The following LRBA variants were observed in gnomAD, a reference collection of about 807,000 sequenced individuals.
LRBA encodes LPS responsive beige-like anchor protein.
In LRBA, 176 loss-of-function variants were observed where a neutral mutation model predicts 330.0. The observed-to-expected ratio is 0.53, with a 90% CI of 0.47 to 0.60. The LOEUF is 0.60. LRBA is among the 20% of genes least tolerant of loss of function. The probability of loss-of-function intolerance (pLI) is 0.00; values close to 1 mark genes in which losing one functional copy is unlikely to be tolerated. For missense variants in LRBA, 3,259 were observed against 3,444.8 expected (o/e 0.95, Z 1.35); for synonymous variants, 1,230 against 1,193.0 (o/e 1.03, Z -0.64).
At chr4:150,455,954 A>G (rs181530522) in intron 44 of LRBA, among the ~76,000 whole-genome samples, 1 of 152,258 alleles carries the variant, frequency 6.6e-6, no homozygotes. Context: ...TATTTCACTT[A>G]GCATAATGAC....
chr4:150,837,733 G>T (rs956717797), intron 28 of LRBA, among the ~76,000 whole-genome samples: 2 of 152,180 alleles, frequency 1.3e-5, no homozygotes. Flanking sequence ...GATGGGTCTT[G>T]ACTCTTTACC....
chr4:150,297,581 A>G (rs1292433164), intron 53 of LRBA, among the ~76,000 whole-genome samples: 2 of 152,234 alleles, frequency 1.3e-5, no homozygotes, highest in Non-Finnish European at 2.9e-5. Flanking sequence ...TGAGACACAC[A>G]CAAGAACTCT....
At chr4:150,735,965 C>A (rs1375139048) in intron 35 of LRBA, among the ~76,000 whole-genome samples, 2 of 152,080 alleles carry the variant, frequency 1.3e-5, no homozygotes, top group Non-Finnish European at 2.9e-5. Context: ...TTTAGGTTAA[C>A]TGGCAGCCAA....
In LRBA at chr4:150,467,785, CCTG is replaced by C; in HGVS notation, c.6668-3_6668-1del. On this transcript the variant is annotated splice_acceptor_variant and splice_polypyrimidine_tract_variant and intron_variant, in intron 43 of 56. Coordinates refer to ENST00000651943, the MANE Select transcript of LRBA (RefSeq NM_001364905.1). LOFTEE classifies it high-confidence loss of function. ...CTGATTTAAGTCATTATAACTCCGT[CCTG>C]ATAGGGAAAAAAGTTACTCGTAATT... The C allele has an allele frequency of 7.1e-7, 1 of 1,398,732 alleles. No homozygotes were observed. The highest frequency in any genetic ancestry group is 1.9e-5 in the Admixed American group (1 of 52,164). The allele number at this position is 1,398,732 out of a possible 1,614,324, so 86.6% of individuals were successfully genotyped here. A position where few individuals can be genotyped will look rare whatever the true frequency, so the allele number is the denominator to read the frequency against.
chr4:150,324,907 A>AT (rs1394090599), intron 49 of LRBA, among the ~76,000 whole-genome samples: 4 of 151,534 alleles, frequency 2.6e-5, no homozygotes, highest in African/African-American at 7.3e-5. Context: ...TACTCTGCCA[A>AT]TTTTTTTTTC....
intron 35 of LRBA, among the ~76,000 whole-genome samples, chr4:150,758,687 C>T (rs1009493014): frequency 1.1e-4 from 16 of 151,330 alleles, no homozygotes; most frequent in African/African-American, 3.4e-4. Context: ...GATCCTCCTG[C>T]CTCACCCTCC....
rs777246569 is a variant in LRBA, at chr4:150,471,645, T to C, written c.6646A>G (p.Met2216Val). 6.2e-6 allele frequency: 10 copies of C among 1,600,092 alleles called. No homozygotes were observed. The highest frequency in any genetic ancestry group is 5.3e-5 in the Admixed American group (3 of 57,096). ...TTACCTGCTATCGTGTTGAGAAACATCAAGTACTCAAAATTAGATATCTCT... is the reference window on the plus strand; with the variant it reads ...TTACCTGCTATCGTGTTGAGAAACACCAAGTACTCAAAATTAGATATCTCT... ...HREISNFEYL[M>V]FLNTIAGRSY... The change falls in exon 43 of 57, where the codon ATG becomes GTG. Residue 2216 changes from methionine to valine, a missense_variant. Transcript: ENST00000651943.
At position 150,398,621 on chromosome 4, in the gene LRBA, TTTTC is replaced by T. The variant is rs1485883286; in HGVS notation, c.7194+16813_7194+16816del. On this transcript the variant is annotated intron_variant, in intron 47 of 56. Transcript: ENST00000651943. ...TAAACATTTTAGACTTGTTTTCCAA[TTTTC>T]TTTCTTTCTTTTTTTTTTTGAGACA... Among the ~76,000 whole-genome samples, 4 of 149,016 alleles carry T rather than the reference TTTTC, an allele frequency of 2.7e-5. No homozygotes were observed. The South Asian group carries it at 8.4e-4, about 31-fold the overall frequency.
At chr4:150,267,900 A>AAAT (rs1290925934) in intron 56 of LRBA, among the ~76,000 whole-genome samples, 4 of 152,078 alleles carry the variant, frequency 2.6e-5, no homozygotes, top group African/African-American at 9.7e-5. Flanking sequence ...TCTCTACTAA[A>AAAT]AATACAAAAA....
intron 40 of LRBA, among the ~76,000 whole-genome samples, chr4:150,535,585 C>A (rs924012946): frequency 2.0e-5 from 3 of 152,124 alleles, no homozygotes; most frequent in Non-Finnish European, 4.4e-5. Flanking sequence ...AATATATTGG[C>A]TAAAAGAAAA....
chr4:150,585,996 A>G (rs1411854060), intron 40 of LRBA, among the ~76,000 whole-genome samples: 1 of 152,090 alleles, frequency 6.6e-6, no homozygotes, highest in African/African-American at 2.4e-5. Flanking sequence ...TCAGTTCTGA[A>G]ATCATCTCCA....
At chr4:150,717,675 G>GTAATAA (rs10522737) in intron 36 of LRBA, among the ~76,000 whole-genome samples, 6,062 of 139,748 alleles carry the variant, frequency 0.043, 370 homozygotes, top group African/African-American at 0.14. Context: ...AACAATAATA[G>GTAATAA]TAATAATAAT....
At chr4:150,988,967 CATTA>C (rs1269257169) in intron 2 of LRBA, among the ~76,000 whole-genome samples, 3 of 151,888 alleles carry the variant, frequency 2.0e-5, no homozygotes, top group East Asian at 2.0e-4. Flanking sequence ...CGGTAATTAT[CATTA>C]ATTAAGTGCC....
At chr4:150,482,865 T>C (rs1757446011) in intron 42 of LRBA, among the ~76,000 whole-genome samples, 1 of 152,096 alleles carries the variant, frequency 6.6e-6, no homozygotes, top group South Asian at 2.1e-4. Context: ...ATTTTTTTTT[T>C]GTAGCAAGCT....
chr4:150,706,328 T>A (rs1409627914), intron 36 of LRBA, among the ~76,000 whole-genome samples: 1 of 151,816 alleles, frequency 6.6e-6, no homozygotes, highest in Non-Finnish European at 1.5e-5. Flanking sequence ...TACAGGCATT[T>A]AGTATATAAC....
At chr4:150,452,661 G>C (rs1199313498) in intron 44 of LRBA, among the ~76,000 whole-genome samples, 2 of 150,522 alleles carry the variant, frequency 1.3e-5, no homozygotes, top group East Asian at 1.9e-4. Flanking sequence ...TAACCTAATA[G>C]AAGCACCTAC....
intron 37 of LRBA, among the ~76,000 whole-genome samples, chr4:150,662,120 A>C (rs1781173030): frequency 6.6e-6 from 1 of 152,232 alleles, no homozygotes; most frequent in African/African-American, 2.4e-5. Flanking sequence ...GAAAGAGATT[A>C]AGTGGAAAGT....
chr4:150,531,714 C>T (rs1245227794), intron 40 of LRBA, among the ~76,000 whole-genome samples: 2 of 152,120 alleles, frequency 1.3e-5, no homozygotes, highest in African/African-American at 4.8e-5. Context: ...TTTTGGTTTT[C>T]TGAAATAATC....
chr4:150,333,784 A>G (rs1000283330), intron 48 of LRBA, among the ~76,000 whole-genome samples: 6 of 152,202 alleles, frequency 3.9e-5, no homozygotes, highest in African/African-American at 1.4e-4. Flanking sequence ...GTTTAAAAAC[A>G]TATTAATCAA....
Sources: gnomAD v4.1 joint callset for allele counts (sites outside exome capture counted in the v4.1 genomes callset) on GRCh38, gnomAD v4.1.1 for gene constraint, MANE v1.5 for transcripts, NCBI Gene and HGNC (gene_info 2026-07-23, HGNC 2026-07-21) for gene names.